AZIN1: variants seen among roughly 807,000 people sequenced by gnomAD.
AZIN1 encodes ornithine decarboxylase antizyme inhibitor.
In AZIN1, 12 loss-of-function variants were observed where a neutral mutation model predicts 47.4. The observed-to-expected ratio is 0.25, with a 90% CI of 0.16 to 0.41. The LOEUF (loss-of-function observed/expected upper bound fraction) is 0.41, where lower values mean the gene tolerates loss of function less well. Ranked by LOEUF, AZIN1 falls within the 10% of genes least tolerant of loss-of-function variation. The pLI, the probability that AZIN1 is intolerant of heterozygous loss-of-function variation, is 1.00. For missense variants in AZIN1, 410 were observed against 532.4 expected, an observed-to-expected ratio of 0.77 and a Z score of 2.26; for synonymous variants, 155 against 176.3, an observed-to-expected ratio of 0.88 and a Z score of 0.96.
chr8:102,845,262 C>T (rs1056697975), intron 2 of AZIN1, among the ~76,000 whole-genome samples: 3 of 152,230 alleles, frequency 2.0e-5, no homozygotes, highest in Admixed American at 2.0e-4. Flanking sequence ...CAAAACAGTC[C>T]TTAATAAGCT....
intron 2 of AZIN1, among the ~76,000 whole-genome samples, chr8:102,850,476 G>A (rs1225562419): frequency 6.6e-6 from 1 of 152,082 alleles, no homozygotes; most frequent in African/African-American, 2.4e-5. Context: ...TTGACCAGAA[G>A]AGCACTAGAA....
At chr8:102,834,642 A>C in intron 7 of AZIN1, 24 bp downstream of exon 7, 1 of 1,540,428 alleles carries the variant, frequency 6.5e-7, no homozygotes, top group Non-Finnish European at 8.9e-7. Context: ...AAAATATCAA[A>C]ATAACTTAAA....
intron 2 of AZIN1, among the ~76,000 whole-genome samples, chr8:102,845,443 C>A (rs113663138): frequency 6.6e-6 from 1 of 152,142 alleles, no homozygotes; most frequent in African/African-American, 2.4e-5. Flanking sequence ...TAATTGAGGC[C>A]TATCTAAATA....
intron 2 of AZIN1, chr8:102,854,428 T>A (rs1813136266): frequency 6.6e-6 from 1 of 151,362 alleles, no homozygotes; most frequent in Non-Finnish European, 1.5e-5. Flanking sequence ...GTGAAACCCA[T>A]CTCCACAAAA....
intron 2 of AZIN1, among the ~76,000 whole-genome samples, chr8:102,852,595 T>A (rs953622448): frequency 5.9e-5 from 9 of 151,622 alleles, no homozygotes; most frequent in South Asian, 2.1e-4. Flanking sequence ...AAAAAAAAAA[T>A]TTTTTAATAC....
At chr8:102,842,862 G>A (rs1214296849) in intron 3 of AZIN1, among the ~76,000 whole-genome samples, 3 of 151,730 alleles carry the variant, frequency 2.0e-5, no homozygotes, top group Admixed American at 6.6e-5. Context: ...AGCTGAGATC[G>A]TGCCACTGAA....
rs771339832 is a variant in AZIN1, at chr8:102,833,092, T to C, written c.868A>G (p.Lys290Glu). ...AFTLAVNIIAKKVVENDKFPS... is the reference protein window; with the variant it reads ...AFTLAVNIIAEKVVENDKFPS... ...AATTTATCATTTTCAACAACTTTCT[T>C]TGCTATGATATTAACTGCGAGTGTA... Residue 290 changes from lysine to glutamate, a missense_variant, in exon 9 of 12, where the codon AAG (lysine) becomes GAG (glutamate). By Grantham distance (56) the Lys-to-Glu change is moderately conservative. Transcript: ENST00000337198. 1 of 1,612,864 alleles carries C rather than the reference T, an allele frequency of 6.2e-7. No individual in the cohort carries two copies. Among genetic ancestry groups the C allele is most frequent in the Non-Finnish European group, 8.5e-7 (1 of 1,179,126 alleles).
intron 1 of AZIN1, among the ~76,000 whole-genome samples, chr8:102,861,248 A>C (rs1416083514): frequency 1.3e-5 from 2 of 152,108 alleles, no homozygotes; most frequent in African/African-American, 4.8e-5. Context: ...TTTTGAGATG[A>C]AGTCCCGCTG....
intron 4 of AZIN1, 81 bp from the exon 5 acceptor site, chr8:102,838,997 C>A: frequency 1.6e-6 from 2 of 1,266,630 alleles, no homozygotes; most frequent in Non-Finnish European, 2.2e-6. Context: ...CTATTACCCC[C>A]ACCCCTTTTA....
chr8:102,842,479 G>A (rs1178119026), intron 3 of AZIN1, among the ~76,000 whole-genome samples: 1 of 152,062 alleles, frequency 6.6e-6, no homozygotes, highest in African/African-American at 2.4e-5. Context: ...GCCAAGGTGG[G>A]CGGATCACCT....
At chr8:102,862,678 A>G (rs571194865) in intron 1 of AZIN1, among the ~76,000 whole-genome samples, 1 of 152,232 alleles carries the variant, frequency 6.6e-6, no homozygotes, top group African/African-American at 2.4e-5. Flanking sequence ...TTCGCTGAGC[A>G]CAAGGCAATT....
At chr8:102,853,780 C>T (rs996755913) in intron 2 of AZIN1, among the ~76,000 whole-genome samples, 2 of 150,878 alleles carry the variant, frequency 1.3e-5, no homozygotes, top group African/African-American at 4.9e-5. Context: ...CAAAGAGTAT[C>T]AACCGCCATT....
chr8:102,835,719 T>A (rs1481733090), intron 6 of AZIN1, among the ~76,000 whole-genome samples: 2 of 152,212 alleles, frequency 1.3e-5, no homozygotes, highest in Non-Finnish European at 2.9e-5. Flanking sequence ...CAAGACCTTT[T>A]TACTTTAGTA....
intron 8 of AZIN1, among the ~76,000 whole-genome samples, chr8:102,833,753 ATTTT>A (rs11355998): frequency 2.9e-4 from 38 of 130,586 alleles, no homozygotes; most frequent in Admixed American, 6.9e-4. Flanking sequence ...GAAAGACTCA[ATTTT>A]TTTTTTTTTT....
intron 1 of AZIN1, among the ~76,000 whole-genome samples, chr8:102,863,521 G>T (rs1331769136): frequency 1.3e-5 from 2 of 151,530 alleles, no homozygotes; most frequent in Non-Finnish European, 2.9e-5. Flanking sequence ...ACCCCCGCGC[G>T]CTCCCCCACT....
rs183135790 is a variant in AZIN1 at position 102,833,839 on chromosome 8, G to T, written c.741+350C>A. ...TTGAGCCCAGGAGTTGGAAGCTATA[G>T]TGAGCTATAATTGCGCCACTCCACT... On this transcript the variant is annotated intron_variant, in intron 8 of 11. Transcript: ENST00000337198. Among the ~76,000 whole-genome samples, 85 of 143,362 alleles carry T rather than the reference G, an allele frequency of 5.9e-4. No individual in the cohort carries two copies. The East Asian group carries it at 0.016, about 28-fold the overall frequency. The allele number at this position is 143,362 out of a possible 152,430, so 94.1% of individuals were successfully genotyped here.
Position 102,838,753 on chromosome 8 carries a change from G to A in AZIN1, c.440C>T (p.Pro147Leu), listed in dbSNP as rs768043887. 1.2e-6 allele frequency: 2 copies of A among 1,611,226 alleles called. No individual in the cohort carries two copies. Among genetic ancestry groups the A allele is most frequent in the Non-Finnish European group, 1.7e-6 (2 of 1,178,694 alleles). Residue 147 changes from proline (P) to leucine (L), a missense_variant, in exon 5 of 12, where the codon CCA becomes CTA. Pro to Leu is a moderately conservative substitution (Grantham distance 98). Coordinates refer to ENST00000337198, the MANE Select transcript of AZIN1 (RefSeq NM_148174.4). Reference sequence around the variant, plus strand: ...TTAATTTTATACTTACTTGGCATTTGGGTGATTACGTGCAATTTTCTTCAA... The same window carrying A: ...TTAATTTTATACTTACTTGGCATTTAGGTGATTACGTGCAATTTTCTTCAA... ...IELKKIARNHPNAKVLLHIAT... is the reference protein window; with the variant it reads ...IELKKIARNHLNAKVLLHIAT...
At chr8:102,849,079 C>T (rs186288232) in intron 2 of AZIN1, among the ~76,000 whole-genome samples, 5 of 152,152 alleles carry the variant, frequency 3.3e-5, no homozygotes, top group Admixed American at 1.3e-4. Context: ...AGGCAGATCA[C>T]GAGGTTGAGA....
chr8:102,853,609 T>C (rs1478769759), intron 2 of AZIN1, among the ~76,000 whole-genome samples: 1 of 152,222 alleles, frequency 6.6e-6, no homozygotes, highest in Non-Finnish European at 1.5e-5. Context: ...TCTAAAACCT[T>C]GTTTATCCAT....
Sources: allele counts gnomAD v4.1 joint callset (sites outside exome capture counted in the v4.1 genomes callset), GRCh38; gene constraint gnomAD v4.1.1; transcripts MANE v1.5; gene names NCBI Gene and HGNC (gene_info 2026-07-23, HGNC 2026-07-21).